The following LTB4R variants were observed in gnomAD, a reference collection of about 807,000 sequenced individuals.
The protein encoded by LTB4R is leukotriene B4 receptor 1.
For missense variants in LTB4R, 470 were observed against 485.6 expected, an observed-to-expected ratio of 0.97 and a Z score of 0.30; for synonymous variants, 250 against 230.7, an observed-to-expected ratio of 1.08 and a Z score of -0.76.
rs1429106426 is a variant in LTB4R at position 24,316,384 on chromosome 14, G to A, written c.733G>A (p.Ala245Thr). Residue 245 changes from alanine to threonine, a missense_variant, in exon 2 of 2, where the codon GCG becomes ACG. Physicochemically the swap from Ala to Thr is moderately conservative, Grantham distance 58. Coordinates refer to ENST00000345363, the MANE Select transcript of LTB4R (RefSeq NM_001143919.3). The stretch of plus-strand genomic sequence containing the variant: ...CTACCACGTGGTGAACCTGGCTGAG[G>A]CGGGCCGCGCGCTGGCCGGCCAGGC... ...LPYHVVNLAE[A>T]GRALAGQAAG... is the part of the protein sequence containing the mutation. The A allele has an allele frequency of 6.3e-7, 1 of 1,588,406 alleles. No individual in the cohort carries two copies. The highest frequency in any genetic ancestry group is 1.7e-5 in the Admixed American group (1 of 57,210).
At chr14:24,313,402 T>C (rs977534319) in intron 1 of LTB4R, 2 of 152,028 alleles carry the variant, frequency 1.3e-5, no homozygotes, top group Non-Finnish European at 2.9e-5. Context: ...TTTCATATCC[T>C]CTGACAGCTG....
Position 24,311,740 on chromosome 14 carries a change from G to T in LTB4R, c.-80G>T. On this transcript the variant is annotated 5_prime_UTR_variant, in exon 1 of 2. The change abolishes the stop of an existing upstream ORF in the 5' untranslated region. Coordinates refer to ENST00000345363, the MANE Select transcript of LTB4R (RefSeq NM_001143919.3). ...AAGGACGGTCCGGAATGGGACCTTT[G>T]ACAGCAGACCCTACAACCTGCTGCC... The T allele has an allele frequency of 6.4e-7, 1 of 1,572,460 alleles. No homozygotes were observed. The highest frequency in any genetic ancestry group is 8.6e-7 in the Non-Finnish European group (1 of 1,157,098).
chr14:24,316,821 G>A lies in LTB4R; in HGVS notation c.*111G>A. 2 of 876,082 alleles carry A rather than the reference G, an allele frequency of 2.3e-6. No individual in the cohort carries two copies. The highest frequency in any genetic ancestry group is 2.5e-5 in the South Asian group (1 of 40,768). The allele number at this position is 876,082 out of a possible 1,614,324, so 54.3% of individuals were successfully genotyped here. A position where few individuals can be genotyped will look rare whatever the true frequency, so the allele number is the denominator to read the frequency against. ...AGGGCGTGGAGGGCGTGGGAGCGTG[G>A]GAGGCGGGAGTGGAGTGGAAGAAGA... On this transcript the variant is annotated 3_prime_UTR_variant, in exon 2 of 2. Transcript: ENST00000345363.
Position 24,315,923 on chromosome 14 carries a change from G to C in LTB4R, c.272G>C (p.Arg91Pro), listed in dbSNP as rs757692030. 6.2e-7 allele frequency: 1 copy of C among 1,614,102 alleles called. No homozygotes were observed. Among genetic ancestry groups the C allele is most frequent in the South Asian group, 1.1e-5 (1 of 91,088 alleles). ...TGGAGTTTTGGACTGGCTGGTTGCC[G>C]CCTGTGTCACTATGTCTGCGGAGTC... The part of the protein sequence containing the change: ...GTWSFGLAGC[R>P]LCHYVCGVSM... The change falls in exon 2 of 2, where the codon CGC (arginine) becomes CCC (proline). Residue 91 changes from arginine (R) to proline (P), a missense_variant. Coordinates refer to ENST00000345363, the MANE Select transcript of LTB4R (RefSeq NM_001143919.3).
At position 24,317,520 on chromosome 14, in the gene LTB4R, A is replaced by G. The variant is rs61998513; in HGVS notation, c.*810A>G. On this transcript the variant is annotated 3_prime_UTR_variant, in exon 2 of 2. Coordinates refer to ENST00000345363, the MANE Select transcript of LTB4R (RefSeq NM_001143919.3). ...TTCCCAAAAGTGAGAGGGATGAGTC[A>G]TTATTTCCTAGAGATGACTGTTGTT... 1,391 of 167,228 alleles carry G rather than the reference A, an allele frequency of 8.3e-3. 14 individuals carry two copies. The highest frequency in any genetic ancestry group is 0.013 in the Non-Finnish European group (871 of 68,116). 10.4% of individuals were successfully genotyped at this position (167,228 alleles called of 1,614,324 possible). A position where few individuals can be genotyped will look rare whatever the true frequency, so the allele number is the denominator to read the frequency against.
chr14:24,316,764 G>C lies in LTB4R; in HGVS notation c.*54G>C. ...CTGGCAGAATGCTAGCTCTGAGCCAGTTCAGTACCTGGAGGAGGAGCAGGG... is the reference window on the plus strand; with the variant it reads ...CTGGCAGAATGCTAGCTCTGAGCCACTTCAGTACCTGGAGGAGGAGCAGGG... On this transcript the variant is annotated 3_prime_UTR_variant, in exon 2 of 2. Coordinates refer to ENST00000345363, the MANE Select transcript of LTB4R (RefSeq NM_001143919.3). The C allele has an allele frequency of 7.2e-7, 1 of 1,391,354 alleles. No individual in the cohort carries two copies. Among genetic ancestry groups the C allele is most frequent in the Admixed American group, 2.9e-5 (1 of 34,606 alleles). 86.2% of individuals were successfully genotyped at this position (1,391,354 alleles called of 1,614,324 possible).
rs1400571048 is a variant in LTB4R, at chr14:24,315,724, C to T, written c.73C>T (p.Leu25=). 3 of 1,614,238 alleles carry T rather than the reference C, an allele frequency of 1.9e-6. No individual in the cohort carries two copies. Among genetic ancestry groups the T allele is most frequent in the Non-Finnish European group, 2.5e-6 (3 of 1,180,038 alleles). The change falls in exon 2 of 2, where the codon CTG becomes TTG. Residue 25 remains leucine (L), a synonymous_variant. Coordinates refer to ENST00000345363, the MANE Select transcript of LTB4R (RefSeq NM_001143919.3). ...EFISLLAIIL[L]SVALAVGLPG... is the part of the protein sequence containing the mutation. Reference sequence around the variant, plus strand: ...CATCTCTCTGCTGGCTATCATCCTGCTGTCAGTGGCGCTGGCTGTGGGGCT... The same window carrying T: ...CATCTCTCTGCTGGCTATCATCCTGTTGTCAGTGGCGCTGGCTGTGGGGCT...
chr14:24,316,010 C>T lies in LTB4R; in HGVS notation c.359C>T (p.Ala120Val). 6.2e-7 allele frequency: 1 copy of T among 1,613,826 alleles called. No homozygotes were observed. The highest frequency in any genetic ancestry group is 8.5e-7 in the Non-Finnish European group (1 of 1,180,042). ...AMSLDRSLAV[A>V]RPFVSQKLRT... is the part of the protein sequence containing the mutation. ...AGTCTAGACCGCTCACTGGCGGTGGCCCGCCCCTTTGTGTCCCAGAAGCTA... is the reference window on the plus strand; with the variant it reads ...AGTCTAGACCGCTCACTGGCGGTGGTCCGCCCCTTTGTGTCCCAGAAGCTA... Residue 120 changes from alanine (A) to valine (V), a missense_variant, in exon 2 of 2, where the codon GCC becomes GTC. Ala to Val is a moderately conservative substitution (Grantham distance 64, BLOSUM62 0). Transcript: ENST00000345363.
At chr14:24,313,835 C>G (rs2041747058) in intron 1 of LTB4R, 1 of 152,222 alleles carries the variant, frequency 6.6e-6, no homozygotes, top group African/African-American at 2.4e-5. Context: ...ATCTGCTCCC[C>G]TCAGCCTCCC....
rs1245950759 is a variant in LTB4R, at chr14:24,316,815, A to G, written c.*105A>G. ...GCGTGGAGGGCGTGGAGGGCGTGGG[A>G]GCGTGGGAGGCGGGAGTGGAGTGGA... is the stretch of plus-strand genomic sequence containing the variant. On this transcript the variant is annotated 3_prime_UTR_variant, in exon 2 of 2. Transcript: ENST00000345363. 7.4e-6 allele frequency: 7 copies of G among 942,700 alleles called. No individual in the cohort carries two copies. The highest frequency in any genetic ancestry group is 1.0e-5 in the Non-Finnish European group (7 of 682,952). The allele number at this position is 942,700 out of a possible 1,614,324, so 58.4% of individuals were successfully genotyped here. A position where few individuals can be genotyped will look rare whatever the true frequency, so the allele number is the denominator to read the frequency against.
At chr14:24,315,320 T>G (rs1159503340) in intron 1 of LTB4R, among the ~76,000 whole-genome samples, 2 of 152,040 alleles carry the variant, frequency 1.3e-5, no homozygotes, top group Admixed American at 6.5e-5. Context: ...CTCTGTTTGG[T>G]TCTGGGCTTT....
In LTB4R at chr14:24,311,672, G is replaced by A. The variant is rs772474477; in HGVS notation, c.-148G>A. 4 of 1,611,462 alleles carry A rather than the reference G, an allele frequency of 2.5e-6. No individual in the cohort carries two copies. The South Asian group carries it at 4.4e-5, about 18-fold the overall frequency. ...GAACTACCCCTCAGCTGAAAGTGGT[G>A]GGGCAGGGCCGCGGCAATGGAGACC... On this transcript the variant is annotated 5_prime_UTR_variant, in exon 1 of 2. Transcript: ENST00000345363.
At position 24,311,502 on chromosome 14, in the gene LTB4R, A is replaced by G; in HGVS notation, c.-318A>G. On this transcript the variant is annotated 5_prime_UTR_variant, in exon 1 of 2. Coordinates refer to ENST00000345363, the MANE Select transcript of LTB4R (RefSeq NM_001143919.3). ...GGGAACTACGGCCTTGGCCTTCTTC[A>G]GTTCTAGCGTCAACCCGGTGCTCTA... 6.2e-7 allele frequency: 1 copy of G among 1,602,302 alleles called. No homozygotes were observed. Among genetic ancestry groups the G allele is most frequent in the Non-Finnish European group, 8.5e-7 (1 of 1,179,986 alleles).
chr14:24,316,574 C>G lies in LTB4R; in HGVS notation c.923C>G (p.Thr308Arg). The G allele has an allele frequency of 1.4e-6, 2 of 1,437,472 alleles. No homozygotes were observed. Among genetic ancestry groups the G allele is most frequent in the Non-Finnish European group, 9.1e-7 (1 of 1,102,850 alleles). 89.0% of individuals were successfully genotyped at this position (1,437,472 alleles called of 1,614,324 possible). A position where few individuals can be genotyped will look rare whatever the true frequency, so the allele number is the denominator to read the frequency against. Residue 308 changes from threonine to arginine, a missense_variant, in exon 2 of 2, where the codon ACG becomes AGG. By Grantham distance (71) the Thr-to-Arg change is moderately conservative (BLOSUM62 -1). Transcript: ENST00000345363. ...TTCGTCGCCAAGCTGCTGGAGGGCA[C>G]GGGCTCCGAGGCGTCCAGCACGCGC... is the stretch of plus-strand genomic sequence containing the variant. ...VGFVAKLLEG[T>R]GSEASSTRRG...
chr14:24,315,922 C>G lies in LTB4R; in HGVS notation c.271C>G (p.Arg91Gly). Residue 91 changes from arginine to glycine, a missense_variant, in exon 2 of 2, where the codon CGC becomes GGC. Arg to Gly is a moderately radical substitution (Grantham distance 125). Transcript: ENST00000345363. ...GTWSFGLAGC[R>G]LCHYVCGVSM... ...CTGGAGTTTTGGACTGGCTGGTTGC[C>G]GCCTGTGTCACTATGTCTGCGGAGT... The G allele has an allele frequency of 6.2e-7, 1 of 1,614,196 alleles. No individual in the cohort carries two copies.
chr14:24,315,700 ATC>A lies in LTB4R; in HGVS notation c.55_56del (p.Leu19AlafsTer225). On this transcript the variant is annotated frameshift_variant, in exon 2 of 2. Transcript: ENST00000345363. LOFTEE classifies it low-confidence loss of function (END_TRUNC). ...AAPPSLGVEF[I>X]SLLAIILLSV... ...ACCCCCCTCACTAGGTGTAGAGTTC[ATC>A]TCTCTGCTGGCTATCATCCTGCTGT... 6.2e-7 allele frequency: 1 copy of A among 1,614,102 alleles called. No individual in the cohort carries two copies. The highest frequency in any genetic ancestry group is 8.5e-7 in the Non-Finnish European group (1 of 1,180,002).
rs2041780815 is a variant in LTB4R at position 24,316,828 on chromosome 14, GGAGTGGAGT to G, written c.*120_*128del. 2.5e-6 allele frequency: 2 copies of G among 798,714 alleles called. No homozygotes were observed. The highest frequency in any genetic ancestry group is 3.7e-5 in the African/African-American group (2 of 54,370). 49.5% of individuals were successfully genotyped at this position (798,714 alleles called of 1,614,324 possible). On this transcript the variant is annotated 3_prime_UTR_variant, in exon 2 of 2. Transcript: ENST00000345363. Reference sequence around the variant, plus strand: ...GGAGGGCGTGGGAGCGTGGGAGGCGGGAGTGGAGTGGAAGAAGAGGGAGAGGTGGAGCAA... The same window carrying G: ...GGAGGGCGTGGGAGCGTGGGAGGCGGGGAAGAAGAGGGAGAGGTGGAGCAA...
intron 1 of LTB4R, 68 bp from the exon 2 acceptor site, chr14:24,315,569 G>A (rs898748791): frequency 1.1e-5 from 11 of 994,302 alleles, no homozygotes; most frequent in African/African-American, 1.6e-5. Flanking sequence ...CTCAGCCTAG[G>A]TGTGTCCATG....
In LTB4R at chr14:24,316,417, T is replaced by C. The variant is rs1324023413; in HGVS notation, c.766T>C (p.Leu256=). 1.0e-5 allele frequency: 16 copies of C among 1,577,456 alleles called. No individual in the cohort carries two copies. Among genetic ancestry groups the C allele is most frequent in the Admixed American group, 1.8e-5 (1 of 54,388 alleles). ...GRALAGQAAG[L]GLVGKRLSLA... ...CGCGCTGGCCGGCCAGGCCGCCGGG[T>C]TAGGGCTCGTGGGGAAGCGGCTGAG... Residue 256 remains leucine (L), a synonymous_variant, in exon 2 of 2, where the codon TTA becomes CTA. Coordinates refer to ENST00000345363, the MANE Select transcript of LTB4R (RefSeq NM_001143919.3).
Sources: allele counts gnomAD v4.1 joint callset (sites outside exome capture counted in the v4.1 genomes callset), GRCh38; gene constraint gnomAD v4.1.1; transcripts MANE v1.5; gene names NCBI Gene and HGNC (gene_info 2026-07-23, HGNC 2026-07-21).